The following KCNMA1 variants were observed in gnomAD, a reference collection of about 807,000 sequenced individuals.
KCNMA1 encodes potassium calcium-activated channel subfamily M alpha 1.
Under a neutral mutation model 140.0 loss-of-function variants are expected in KCNMA1, and 29 were observed. That is an observed-to-expected ratio of 0.21 (90% CI 0.15 to 0.28). The LOEUF (loss-of-function observed/expected upper bound fraction) is 0.28, where lower values mean the gene tolerates loss of function less well. Ranked by LOEUF, KCNMA1 falls within the 10% of genes least tolerant of loss-of-function variation. The pLI is 1.00. For missense variants in KCNMA1, 880 were observed against 1,602.2 expected (o/e 0.55, Z 7.70); for synonymous variants, 612 against 611.9 (o/e 1.00, Z 0.00).
chr10:77,342,070 A>T (rs551151227), intron 2 of KCNMA1, among the ~76,000 whole-genome samples: 32 of 152,266 alleles, frequency 2.1e-4, no homozygotes, highest in African/African-American at 7.7e-4. Flanking sequence ...TCCTGTGCCA[A>T]CCTACTGACA....
intron 2 of KCNMA1, among the ~76,000 whole-genome samples, chr10:77,265,320 G>A (rs1276383828): frequency 6.6e-6 from 1 of 152,192 alleles, no homozygotes; most frequent in East Asian, 1.9e-4. Context: ...CCAAAGTGCT[G>A]GGATTACAGG....
chr10:76,887,479 G>A lies in KCNMA1; in HGVS notation c.3498C>T (p.Leu1166=), dbSNP rs370888223. Residue 1166 remains leucine (L), a synonymous_variant, in exon 28 of 28, where the codon CTC becomes CTT. Transcript: ENST00000286628. ...VITNPPYEFE[L]VPTDLIFCLM... ...AGCAGAAGATCAGGTCCGTCGGCACGAGCTCAAACTCATAGGGCGGGTTGG... is the reference window on the plus strand; with the variant it reads ...AGCAGAAGATCAGGTCCGTCGGCACAAGCTCAAACTCATAGGGCGGGTTGG... The A allele has an allele frequency of 1.2e-5, 20 of 1,614,020 alleles. No individual in the cohort carries two copies. Among genetic ancestry groups the A allele is most frequent in the Non-Finnish European group, 1.5e-5 (18 of 1,180,030 alleles).
At chr10:77,053,169 C>T (rs1016861234) in intron 14 of KCNMA1, among the ~76,000 whole-genome samples, 1 of 134,830 alleles carries the variant, frequency 7.4e-6, no homozygotes, top group Non-Finnish European at 1.8e-5. Context: ...CCTCCCTGTC[C>T]CCATGCTCAC....
At chr10:77,296,797 G>A (rs1350841689) in intron 2 of KCNMA1, among the ~76,000 whole-genome samples, 7 of 151,430 alleles carry the variant, frequency 4.6e-5, no homozygotes, top group Admixed American at 4.0e-4. Flanking sequence ...GCATGTGTCT[G>A]TCTCATTTAT....
intron 17 of KCNMA1, among the ~76,000 whole-genome samples, chr10:77,016,476 AG>A: frequency 6.6e-6 from 1 of 152,256 alleles, no homozygotes; most frequent in East Asian, 1.9e-4. Context: ...CGAATGAATG[AG>A]TGAGTTTGAG....
chr10:77,412,113 G>A (rs983388641), intron 1 of KCNMA1, among the ~76,000 whole-genome samples: 1 of 152,208 alleles, frequency 6.6e-6, no homozygotes, highest in African/African-American at 2.4e-5. Flanking sequence ...TTTGGGACCA[G>A]AGTAGGGGCT....
At chr10:77,490,231 G>A (rs2154539832) in intron 1 of KCNMA1, among the ~76,000 whole-genome samples, 1 of 152,224 alleles carries the variant, frequency 6.6e-6, no homozygotes, top group East Asian at 1.9e-4. Context: ...ATGAATTTGT[G>A]GCAAAGATTC....
rs2037716114 is a variant in KCNMA1 at position 76,887,602 on chromosome 10, T to C, written c.3462-87A>G. Reference sequence around the variant, plus strand: ...TCTGAACCAAAAGCAATGGCCTGGTTACTCAGGACTTTCAGAGGATCTGGA... The same window carrying C: ...TCTGAACCAAAAGCAATGGCCTGGTCACTCAGGACTTTCAGAGGATCTGGA... On this transcript the variant is annotated intron_variant, in intron 27 of 27. Transcript: ENST00000286628. 5 of 1,478,074 alleles carry C rather than the reference T, an allele frequency of 3.4e-6. No homozygotes were observed. The South Asian group carries it at 5.8e-5, about 17-fold the overall frequency. 91.6% of individuals were successfully genotyped at this position (1,478,074 alleles called of 1,614,324 possible). A position where few individuals can be genotyped will look rare whatever the true frequency, so the allele number is the denominator to read the frequency against.
At chr10:77,574,947 G>A (rs2073470101) in intron 1 of KCNMA1, among the ~76,000 whole-genome samples, 1 of 152,182 alleles carries the variant, frequency 6.6e-6, no homozygotes, top group Non-Finnish European at 1.5e-5. Context: ...CCCAGGGCCT[G>A]ACCACTGCAG....
chr10:77,170,109 T>C (rs948441100), intron 5 of KCNMA1, among the ~76,000 whole-genome samples: 1 of 152,146 alleles, frequency 6.6e-6, no homozygotes, highest in Admixed American at 6.6e-5. Flanking sequence ...GAGAATCACT[T>C]GAACCCAGGA....
At chr10:76,933,944 T>TCTTC (rs2059887430) in intron 23 of KCNMA1, among the ~76,000 whole-genome samples, 1 of 152,132 alleles carries the variant, frequency 6.6e-6, no homozygotes, top group Non-Finnish European at 1.5e-5. Flanking sequence ...TTTCTTTCTT[T>TCTTC]CTTTCTTTCT....
At chr10:77,484,994 A>G (rs1430509496) in intron 1 of KCNMA1, among the ~76,000 whole-genome samples, 1 of 152,222 alleles carries the variant, frequency 6.6e-6, no homozygotes, top group Non-Finnish European at 1.5e-5. Context: ...ACACTTAAGC[A>G]TCATCTGCAT....
intron 1 of KCNMA1, among the ~76,000 whole-genome samples, chr10:77,498,099 A>C (rs2042583519): frequency 6.6e-6 from 1 of 152,192 alleles, no homozygotes; most frequent in African/African-American, 2.4e-5. Flanking sequence ...TGAAAAAAAA[A>C]AATCAGTTAT....
At chr10:77,140,632 C>A (rs2098143259) in intron 5 of KCNMA1, 1 of 152,394 alleles carries the variant, frequency 6.6e-6, no homozygotes, top group African/African-American at 2.4e-5. Context: ...GTCCTCCTGT[C>A]CAGCGCAGTG....
intron 23 of KCNMA1, among the ~76,000 whole-genome samples, chr10:76,924,287 T>A (rs562219855): frequency 2.0e-5 from 3 of 152,296 alleles, no homozygotes; most frequent in Admixed American, 6.5e-5. Flanking sequence ...ATGGTCATGA[T>A]AAAATGTTTG....
chr10:77,287,936 G>A (rs926204601), intron 2 of KCNMA1, among the ~76,000 whole-genome samples: 1 of 152,184 alleles, frequency 6.6e-6, no homozygotes, highest in Non-Finnish European at 1.5e-5. Flanking sequence ...TGATGGAAAG[G>A]GCAAACACCA....
chr10:77,372,634 C>T (rs889560270), intron 2 of KCNMA1, among the ~76,000 whole-genome samples: 10 of 152,154 alleles, frequency 6.6e-5, no homozygotes, highest in East Asian at 1.9e-4. Context: ...CAAGGTCTTC[C>T]GGATCCAGGA....
At chr10:77,024,055 A>G (rs2093154827) in intron 16 of KCNMA1, among the ~76,000 whole-genome samples, 1 of 152,202 alleles carries the variant, frequency 6.6e-6, no homozygotes, top group Non-Finnish European at 1.5e-5. Context: ...AATATTAGCC[A>G]TATGGGATGG....
intron 14 of KCNMA1, among the ~76,000 whole-genome samples, chr10:77,070,158 C>T (rs928501688): frequency 6.6e-6 from 1 of 152,164 alleles, no homozygotes; most frequent in South Asian, 2.1e-4. Flanking sequence ...CCCCCACTTT[C>T]AGTCTTGGCA....
Sources: gnomAD v4.1 joint callset for allele counts (sites outside exome capture counted in the v4.1 genomes callset) on GRCh38, gnomAD v4.1.1 for gene constraint, MANE v1.5 for transcripts, NCBI Gene and HGNC (gene_info 2026-07-23, HGNC 2026-07-21) for gene names.